The following FAXDC2 variants were observed in gnomAD, a reference collection of about 807,000 sequenced individuals.
FAXDC2 encodes the protein fatty acid hydroxylase domain containing 2.
A neutral mutation model predicts 40.9 loss-of-function variants in FAXDC2; 41 were observed. The ratio of observed to expected loss-of-function variants is 1.00; its 90% CI spans 0.78 to 1.30. The LOEUF is 1.30. Among genes scored for constraint, FAXDC2 ranks in the 50% most tolerant of loss-of-function variants. The pLI, the probability that FAXDC2 is intolerant of heterozygous loss-of-function variation, is 0.00. For missense variants in FAXDC2, 390 were observed against 408.8 expected, an observed-to-expected ratio of 0.95 and a Z score of 0.40; for synonymous variants, 157 against 149.3, an observed-to-expected ratio of 1.05 and a Z score of -0.38.
chr5:154,825,594 T>TGAGCC (rs1434921736), intron 5 of FAXDC2, among the ~76,000 whole-genome samples: 1 of 134,774 alleles, frequency 7.4e-6, no homozygotes, highest in African/African-American at 2.8e-5. Context: ...GAGGTTGCAG[T>TGAGCC]GAGCCGAGAT....
intron 1 of FAXDC2, among the ~76,000 whole-genome samples, chr5:154,841,416 G>A (rs1055162914): frequency 1.3e-5 from 2 of 152,154 alleles, no homozygotes; most frequent in African/African-American, 4.8e-5. Context: ...GGGTTAGAGG[G>A]TGCTCTGTAG....
chr5:154,822,188 T>A, intron 7 of FAXDC2: 22 of 261,722 alleles, frequency 8.4e-5, no homozygotes, highest in South Asian at 3.3e-4. Context: ...AGCCCAGGGG[T>A]TGGAGGCTGC....
At chr5:154,834,986 C>T (rs752730206) in intron 2 of FAXDC2, 52 bp from the exon 3 acceptor site, 22 of 1,147,266 alleles carry the variant, frequency 1.9e-5, no homozygotes, top group Middle Eastern at 2.0e-4. Context: ...TGCCTTTACA[C>T]CCAGCTCACT....
intron 1 of FAXDC2, among the ~76,000 whole-genome samples, chr5:154,839,137 C>G (rs1169814772): frequency 6.6e-6 from 1 of 151,130 alleles, no homozygotes; most frequent in East Asian, 2.0e-4. Context: ...ACCAGCCTGG[C>G]CAACACCGCA....
At chr5:154,825,841 T>TC (rs1476729435) in intron 5 of FAXDC2, among the ~76,000 whole-genome samples, 2 of 151,886 alleles carry the variant, frequency 1.3e-5, no homozygotes, top group Non-Finnish European at 2.9e-5. Flanking sequence ...CAAGAATGAC[T>TC]CCAAGGTTTT....
rs759310729 is a variant in FAXDC2, at chr5:154,822,472, T to C, written c.678A>G (p.Ala226=). The C allele has an allele frequency of 1.0e-5, 16 of 1,605,974 alleles. No individual in the cohort carries two copies. In the Middle Eastern group the frequency reaches 1.7e-3, roughly 172 times the overall value. The change falls in exon 7 of 9, where the codon GCA becomes GCG. Residue 226 remains alanine (A), a splice_region_variant and synonymous_variant. Coordinates refer to ENST00000326080, the MANE Select transcript of FAXDC2 (RefSeq NM_032385.5). ...ISLYAHPIEH[A]VSNMLPVIVG... Reference sequence around the variant, plus strand: ...CTGGGGAGCATAGAGCTCTACTCACTGCATGCTCTATAGGGTGGGCATAGA... The same window carrying C: ...CTGGGGAGCATAGAGCTCTACTCACCGCATGCTCTATAGGGTGGGCATAGA...
intron 1 of FAXDC2, among the ~76,000 whole-genome samples, chr5:154,845,879 G>A (rs1033712226): frequency 5.7e-4 from 86 of 151,120 alleles, no homozygotes; most frequent in African/African-American, 2.0e-3. Context: ...TCTGCCTCCC[G>A]GGTTCAAGCG....
At chr5:154,848,862 G>C (rs1180095957) in intron 1 of FAXDC2, among the ~76,000 whole-genome samples, 1 of 151,958 alleles carries the variant, frequency 6.6e-6, no homozygotes, top group Non-Finnish European at 1.5e-5. Context: ...AGCTGCTCTG[G>C]AGGCTGAGAC....
chr5:154,836,325 A>G (rs1382468198), intron 2 of FAXDC2: 1 of 152,196 alleles, frequency 6.6e-6, no homozygotes, highest in African/African-American at 2.4e-5. Context: ...AGGTCCTTGT[A>G]TATTCTCCTC....
At chr5:154,843,698 A>G (rs1427998264) in intron 1 of FAXDC2, among the ~76,000 whole-genome samples, 14 of 152,256 alleles carry the variant, frequency 9.2e-5, no homozygotes. Flanking sequence ...AACAAGATAG[A>G]TAGAAGAGAA....
At chr5:154,836,584 G>A (rs1028976610) in intron 2 of FAXDC2, among the ~76,000 whole-genome samples, 20 of 152,152 alleles carry the variant, frequency 1.3e-4, no homozygotes, top group Admixed American at 7.2e-4. Flanking sequence ...TCTGCAATTA[G>A]CTAATGGGGC....
chr5:154,824,436 A>G, intron 5 of FAXDC2: 1 of 701,926 alleles, frequency 1.4e-6, no homozygotes, highest in Non-Finnish European at 2.6e-6. Flanking sequence ...ACAGGTTCAG[A>G]ATGGTCCCCA....
intron 1 of FAXDC2, among the ~76,000 whole-genome samples, chr5:154,842,512 G>GTTTTTT (rs772426610): frequency 7.7e-5 from 4 of 51,618 alleles, no homozygotes; most frequent in African/African-American, 1.5e-4. Context: ...CCCTTTGTGT[G>GTTTTTT]TTTTTTTTTT....
Position 154,842,033 on chromosome 5 carries a change from T to G in FAXDC2, c.1-3855A>C, listed in dbSNP as rs575543454. Among the ~76,000 whole-genome samples the G allele has an allele frequency of 1.6e-4, 24 of 150,216 alleles. No individual in the cohort carries two copies. The South Asian group carries it at 4.9e-3, about 30-fold the overall frequency. On this transcript the variant is annotated intron_variant, in intron 1 of 8. Transcript: ENST00000326080. ...GATTACAGGCATGAGCCACCGTGCC[T>G]GGCTTGTGTCATTTTCAGCCTGGCA...
intron 5 of FAXDC2, among the ~76,000 whole-genome samples, chr5:154,827,586 G>C (rs935750321): frequency 6.6e-6 from 1 of 151,850 alleles, no homozygotes; most frequent in African/African-American, 2.4e-5. Context: ...TGTTAGGTGA[G>C]GCCATTACAC....
At chr5:154,843,198 T>G (rs1466742736) in intron 1 of FAXDC2, among the ~76,000 whole-genome samples, 1 of 152,228 alleles carries the variant, frequency 6.6e-6, no homozygotes, top group Non-Finnish European at 1.5e-5. Flanking sequence ...TTTGTTTGTT[T>G]GCTTTTCAAG....
intron 4 of FAXDC2, among the ~76,000 whole-genome samples, chr5:154,832,865 T>A (rs188303465): frequency 2.6e-5 from 4 of 152,260 alleles, no homozygotes; most frequent in Non-Finnish European, 5.9e-5. Context: ...AATGACTGCT[T>A]AAGATCCCAT....
chr5:154,820,756 G>A (rs1759865165), intron 8 of FAXDC2: 1 of 318,132 alleles, frequency 3.1e-6, no homozygotes, highest in African/African-American at 2.2e-5. Flanking sequence ...GCTTCTTCAG[G>A]TATGAGATCA....
intron 2 of FAXDC2, among the ~76,000 whole-genome samples, chr5:154,836,932 C>T (rs538556279): frequency 3.0e-4 from 45 of 152,176 alleles, no homozygotes; most frequent in Non-Finnish European, 5.0e-4. Context: ...GTCTCAGCAT[C>T]CCAAAATGCT....
Sources: gnomAD v4.1 joint callset for allele counts (sites outside exome capture counted in the v4.1 genomes callset) on GRCh38, gnomAD v4.1.1 for gene constraint, MANE v1.5 for transcripts, NCBI Gene and HGNC (gene_info 2026-07-23, HGNC 2026-07-21) for gene names.